Variants in SLC22A23 observed in about 807,000 individuals in gnomAD.
SLC22A23 encodes solute carrier family 22 member 23.
Under a neutral mutation model 61.0 loss-of-function variants are expected in SLC22A23, and 26 were observed. The observed-to-expected ratio is 0.43, with a 90% CI of 0.31 to 0.59. SLC22A23 has a LOEUF of 0.59. Among genes scored for constraint, SLC22A23 ranks in the 20% least tolerant of loss-of-function variants. The probability of loss-of-function intolerance (pLI) is 0.11; values close to 1 mark genes in which losing one functional copy is unlikely to be tolerated. For synonymous variants in SLC22A23, 430 were observed against 413.9 expected (o/e 1.04, Z -0.47); for missense variants, 796 against 934.7 (o/e 0.85, Z 1.94).
chr6:3,376,217 G>A (rs574686485), intron 3 of SLC22A23, among the ~76,000 whole-genome samples: 100 of 152,292 alleles, frequency 6.6e-4, no homozygotes, highest in Non-Finnish European at 1.2e-3. Context: ...CCAGACTGAA[G>A]ACTGGACACC....
At chr6:3,334,690 C>G (rs1763755171) in intron 3 of SLC22A23, among the ~76,000 whole-genome samples, 4 of 152,214 alleles carry the variant, frequency 2.6e-5, no homozygotes, top group Non-Finnish European at 4.4e-5. Context: ...GTGAAGCCCG[C>G]CGGGTGCTAG....
At chr6:3,273,479 G>A in intron 9 of SLC22A23, 67 bp from the exon 10 acceptor site, 1 of 1,562,884 alleles carries the variant, frequency 6.4e-7, no homozygotes, top group South Asian at 1.1e-5. Context: ...GGAAAGCTCG[G>A]GGTGGACCAG....
At position 3,330,743 on chromosome 6, in the gene SLC22A23, C is replaced by T. The variant is rs553178141; in HGVS notation, c.914-6741G>A. Among the ~76,000 whole-genome samples the T allele has an allele frequency of 2.0e-5, 3 of 152,324 alleles. No individual in the cohort carries two copies. The highest frequency in any genetic ancestry group is 4.8e-5 in the African/African-American group (2 of 41,572). ...TACATCTCCCCTTCCGCGTGGAAGG[C>T]GTCCTCTTTCCTCTTAACTTAGGAT... On this transcript the variant is annotated intron_variant, in intron 3 of 9. Transcript: ENST00000406686. This position sits in a 1 kb window ranked among gnomAD's most constrained non-coding sequence, Gnocchi z 4.7.
rs559007520 is a variant in SLC22A23, at chr6:3,410,770, C to T, written c.759-428G>A. Among the ~76,000 whole-genome samples, 7 of 152,282 alleles carry T rather than the reference C, an allele frequency of 4.6e-5. No individual in the cohort carries two copies. The highest frequency in any genetic ancestry group is 1.4e-4 in the African/African-American group (6 of 41,570). ...AAGTCAACATGGTCACCAAGCAAAGCGGCTTTGTTTCCTCTCCCCAGGTTG... is the reference window on the plus strand; with the variant it reads ...AAGTCAACATGGTCACCAAGCAAAGTGGCTTTGTTTCCTCTCCCCAGGTTG... On this transcript the variant is annotated intron_variant, in intron 2 of 9. Coordinates refer to ENST00000406686, the MANE Select transcript of SLC22A23 (RefSeq NM_015482.2). This position sits in a 1 kb window ranked among gnomAD's most constrained non-coding sequence, Gnocchi z 5.0.
At chr6:3,341,442 G>A (rs1028723233) in intron 3 of SLC22A23, among the ~76,000 whole-genome samples, 3 of 152,130 alleles carry the variant, frequency 2.0e-5, no homozygotes, top group East Asian at 1.9e-4. Context: ...AGAAAACTCT[G>A]AGGTGGATGG....
At chr6:3,418,937 A>G (rs1189624252) in intron 1 of SLC22A23, among the ~76,000 whole-genome samples, 1 of 152,206 alleles carries the variant, frequency 6.6e-6, no homozygotes, top group African/African-American at 2.4e-5. Context: ...TGTCGGGAAA[A>G]GAAAATATGT....
chr6:3,434,685 C>T (rs1423288897), intron 1 of SLC22A23, among the ~76,000 whole-genome samples: 3 of 152,032 alleles, frequency 2.0e-5, no homozygotes, highest in Non-Finnish European at 4.4e-5. Flanking sequence ...TTGCGAGGAG[C>T]ATCAATTTTT....
chr6:3,403,287 T>A (rs1390379165), intron 3 of SLC22A23, among the ~76,000 whole-genome samples: 1 of 151,932 alleles, frequency 6.6e-6, no homozygotes, highest in East Asian at 1.9e-4. Context: ...CTTACACTCC[T>A]GAACAATTTT....
rs1767289827 is a variant in SLC22A23 at position 3,386,136 on chromosome 6, C to G, written c.913+24052G>C. Among the ~76,000 whole-genome samples the G allele has an allele frequency of 6.6e-6, 1 of 152,158 alleles. No homozygotes were observed. The highest frequency in any genetic ancestry group is 2.1e-4 in the South Asian group (1 of 4,822). Reference sequence around the variant, plus strand: ...TTGAAGAACTCACACCTTTCCACACCCCTCCCGGGTGTCTCATTACCTGAC... The same window carrying G: ...TTGAAGAACTCACACCTTTCCACACGCCTCCCGGGTGTCTCATTACCTGAC... On this transcript the variant is annotated intron_variant, in intron 3 of 9. Transcript: ENST00000406686. The surrounding 1 kb of genome is among the most constrained non-coding windows in gnomAD (Gnocchi z 4.4).
At chr6:3,446,824 T>A (rs575793378) in intron 1 of SLC22A23, among the ~76,000 whole-genome samples, 59 of 152,288 alleles carry the variant, frequency 3.9e-4, no homozygotes, top group African/African-American at 1.4e-3. Context: ...CTCGTCTCAC[T>A]CCACATGCCC....
At chr6:3,404,400 G>A (rs1216000611) in intron 3 of SLC22A23, among the ~76,000 whole-genome samples, 1 of 152,168 alleles carries the variant, frequency 6.6e-6, no homozygotes, top group Non-Finnish European at 1.5e-5. Context: ...TTAATATGCA[G>A]GTGAGATGAT....
At chr6:3,425,549 G>A (rs976216855) in intron 1 of SLC22A23, among the ~76,000 whole-genome samples, 1 of 152,084 alleles carries the variant, frequency 6.6e-6, no homozygotes, top group African/African-American at 2.4e-5. Flanking sequence ...CTCCCAAAGC[G>A]CTGGGATTAC....
chr6:3,341,826 A>C (rs978789378), intron 3 of SLC22A23, among the ~76,000 whole-genome samples: 1 of 152,136 alleles, frequency 6.6e-6, no homozygotes, highest in African/African-American at 2.4e-5. Flanking sequence ...CTGGGAATAA[A>C]ATTTCAGACT....
chr6:3,310,037 G>A (rs1459237230), intron 4 of SLC22A23, among the ~76,000 whole-genome samples: 1 of 152,184 alleles, frequency 6.6e-6, no homozygotes, highest in Non-Finnish European at 1.5e-5. Flanking sequence ...AAATTAGCTA[G>A]GCAGAAGAGC....
intron 3 of SLC22A23, among the ~76,000 whole-genome samples, chr6:3,343,205 C>T (rs1218963793): frequency 6.6e-6 from 1 of 152,172 alleles, no homozygotes; most frequent in African/African-American, 2.4e-5. Flanking sequence ...CACAACAGTC[C>T]TTATGGCCAG....
At position 3,387,102 on chromosome 6, in the gene SLC22A23, C is replaced by T. The variant is rs1767360546; in HGVS notation, c.913+23086G>A. ...AGGTAAACAGCAGTGTACCTAGCCA[C>T]ATGGATTATCTGCCCTTCATAGCTG... is the stretch of plus-strand genomic sequence containing the variant. On this transcript the variant is annotated intron_variant, in intron 3 of 9. Coordinates refer to ENST00000406686, the MANE Select transcript of SLC22A23 (RefSeq NM_015482.2). The surrounding 1 kb of genome is among the most constrained non-coding windows in gnomAD (Gnocchi z 5.0). Among the ~76,000 whole-genome samples, 1 of 152,248 alleles carries T rather than the reference C, an allele frequency of 6.6e-6. No homozygotes were observed.
intron 3 of SLC22A23, among the ~76,000 whole-genome samples, chr6:3,326,584 G>A (rs1205748214): frequency 6.6e-6 from 1 of 152,142 alleles, no homozygotes; most frequent in Non-Finnish European, 1.5e-5. Context: ...TTTTTGCTAG[G>A]AATCCTAGCA....
chr6:3,455,935 C>A lies in SLC22A23; in HGVS notation c.625G>T (p.Ala209Ser). ...DCRAWDYGIRAGLVQNVVSKW... is the reference protein window; with the variant it reads ...DCRAWDYGIRSGLVQNVVSKW... ...CTGACCACGTTCTGGACGAGGCCGG[C>A]GCGGATGCCGTAGTCCCATGCGCGG... is the stretch of plus-strand genomic sequence containing the variant. Residue 209 changes from alanine (A) to serine (S), a missense_variant, in exon 1 of 10, where the codon GCC becomes TCC. Coordinates refer to ENST00000406686, the MANE Select transcript of SLC22A23 (RefSeq NM_015482.2). The A allele has an allele frequency of 6.6e-7, 1 of 1,520,312 alleles. No homozygotes were observed. Among genetic ancestry groups the A allele is most frequent in the South Asian group, 1.2e-5 (1 of 80,978 alleles). The allele number at this position is 1,520,312 out of a possible 1,614,324, so 94.2% of individuals were successfully genotyped here.
At chr6:3,405,096 T>C (rs1768714382) in intron 3 of SLC22A23, among the ~76,000 whole-genome samples, 2 of 151,774 alleles carry the variant, frequency 1.3e-5, no homozygotes, top group South Asian at 2.1e-4. Context: ...CTGTCTCTAC[T>C]AAAAATACAA....
Sources: allele counts gnomAD v4.1 joint callset (sites outside exome capture counted in the v4.1 genomes callset), GRCh38; gene constraint gnomAD v4.1.1; non-coding constraint Gnocchi (gnomAD v3.1); transcripts MANE v1.5; gene names NCBI Gene and HGNC (gene_info 2026-07-23, HGNC 2026-07-21).